Variants in RIN3 observed in about 807,000 individuals in gnomAD.
The protein encoded by RIN3 is Ras and Rab interactor 3, also known as RAB5 interacting protein 3.
A neutral mutation model predicts 76.3 loss-of-function variants in RIN3; 54 were observed. The observed-to-expected ratio is 0.71, with a 90% confidence interval of 0.57 to 0.89. The LOEUF is 0.89. Among genes scored for constraint, RIN3 ranks in the 40% least tolerant of loss-of-function variants. The probability of loss-of-function intolerance (pLI) is 0.00; values close to 1 mark genes in which losing one functional copy is unlikely to be tolerated. For synonymous variants in RIN3, 576 were observed against 564.0 expected (o/e 1.02, Z -0.30); for missense variants, 1,256 against 1,322.1 (o/e 0.95, Z 0.78).
At chr14:92,579,191 G>T (rs1259644984) in intron 3 of RIN3, among the ~76,000 whole-genome samples, 1 of 152,192 alleles carries the variant, frequency 6.6e-6, no homozygotes, top group East Asian at 1.9e-4. Flanking sequence ...GCCTCCCTAA[G>T]TGCTGGGATT....
chr14:92,616,590 T>A (rs945829729), intron 4 of RIN3, among the ~76,000 whole-genome samples: 6 of 150,716 alleles, frequency 4.0e-5, no homozygotes, highest in Non-Finnish European at 1.5e-5. Context: ...AATGATCTTT[T>A]TTTTTCTGTA....
chr14:92,519,706 G>A (rs183232841), intron 1 of RIN3, among the ~76,000 whole-genome samples: 76 of 152,346 alleles, frequency 5.0e-4, no homozygotes, highest in Middle Eastern at 3.4e-3. Flanking sequence ...TAGCCAACGC[G>A]TCCCTGTGCA....
intron 7 of RIN3, among the ~76,000 whole-genome samples, chr14:92,667,456 G>A (rs1888146272): frequency 2.0e-5 from 3 of 151,898 alleles, no homozygotes; most frequent in African/African-American, 7.3e-5. Context: ...GGCGGAGGTT[G>A]CAGTGAGCCA....
chr14:92,663,019 C>T (rs537814480), intron 7 of RIN3, among the ~76,000 whole-genome samples: 3 of 152,058 alleles, frequency 2.0e-5, no homozygotes, highest in African/African-American at 7.2e-5. Flanking sequence ...CCATGTTGCC[C>T]AGGCTGGTCT....
intron 1 of RIN3, among the ~76,000 whole-genome samples, chr14:92,545,178 C>T (rs1317317865): frequency 7.1e-6 from 1 of 140,174 alleles, no homozygotes; most frequent in Non-Finnish European, 1.5e-5. Context: ...GGCACAGTCT[C>T]CACTCACTGC....
intron 1 of RIN3, among the ~76,000 whole-genome samples, chr14:92,546,142 C>T (rs1897259687): frequency 2.0e-5 from 3 of 152,078 alleles, no homozygotes; most frequent in African/African-American, 7.2e-5. Context: ...CCAGGCTGGT[C>T]TTGAACTCGT....
chr14:92,624,037 G>T (rs1331830339), intron 4 of RIN3, among the ~76,000 whole-genome samples: 1 of 152,260 alleles, frequency 6.6e-6, no homozygotes, highest in African/African-American at 2.4e-5. Flanking sequence ...CAAGTGGAAA[G>T]GGGACGACTT....
At chr14:92,627,805 GC>G (rs1044219679) in intron 4 of RIN3, among the ~76,000 whole-genome samples, 2 of 152,192 alleles carry the variant, frequency 1.3e-5, no homozygotes, top group Non-Finnish European at 2.9e-5. Flanking sequence ...CCTGGGCAAG[GC>G]CCCAGATTGT....
At chr14:92,571,802 T>A (rs1021463273) in intron 2 of RIN3, among the ~76,000 whole-genome samples, 2 of 152,188 alleles carry the variant, frequency 1.3e-5, no homozygotes, top group African/African-American at 4.8e-5. Context: ...GTATAAAAGA[T>A]ACAGCACAGG....
chr14:92,526,420 C>G (rs1315442540), intron 1 of RIN3, among the ~76,000 whole-genome samples: 1 of 151,742 alleles, frequency 6.6e-6, no homozygotes, highest in Non-Finnish European at 1.5e-5. Flanking sequence ...GATCACACCA[C>G]TGCACTCCAG....
intron 1 of RIN3, among the ~76,000 whole-genome samples, chr14:92,530,789 G>C (rs1896862248): frequency 6.6e-6 from 1 of 152,078 alleles, no homozygotes; most frequent in African/African-American, 2.4e-5. Context: ...GATCCTGGAA[G>C]GGATGCTGCT....
chr14:92,545,587 T>C (rs1160364777), intron 1 of RIN3, among the ~76,000 whole-genome samples: 2 of 148,150 alleles, frequency 1.3e-5, no homozygotes, highest in East Asian at 3.9e-4. Context: ...TTTTTCTTTT[T>C]TTTTTTTTTT....
intron 1 of RIN3, among the ~76,000 whole-genome samples, chr14:92,524,080 G>A (rs1442868222): frequency 6.6e-6 from 1 of 152,186 alleles, no homozygotes; most frequent in Non-Finnish European, 1.5e-5. Context: ...TGTAGTCACA[G>A]CTACTCGGGA....
At chr14:92,657,388 C>G (rs547088439) in intron 6 of RIN3, among the ~76,000 whole-genome samples, 2 of 151,906 alleles carry the variant, frequency 1.3e-5, no homozygotes, top group Admixed American at 1.3e-4. Flanking sequence ...AAAAAAAGGC[C>G]AACAGAACTC....
rs761294619 is a variant in RIN3, at chr14:92,653,075, G to C, written c.2026G>C (p.Glu676Gln). The change falls in exon 6 of 10, where the codon GAA becomes CAA. Residue 676 changes from glutamate to glutamine, a missense_variant and splice_region_variant. Glu to Gln is a conservative substitution (Grantham distance 29). Transcript: ENST00000216487. The stretch of plus-strand genomic sequence containing the variant: ...CGCCCTGCACTCCGAGGAGGAGCTC[G>C]GTCAGTGCCCTGGGAGGAGGTGGCA... ...DPALHSEEELEAIVESALYKC... is the reference protein window; with the variant it reads ...DPALHSEEELQAIVESALYKC... The C allele has an allele frequency of 2.5e-6, 4 of 1,598,310 alleles. No individual in the cohort carries two copies. The African/African-American group carries it at 5.3e-5, about 21-fold the overall frequency.
intron 7 of RIN3, among the ~76,000 whole-genome samples, chr14:92,676,089 G>A (rs775104134): frequency 3.9e-5 from 6 of 151,964 alleles, no homozygotes; most frequent in Non-Finnish European, 7.4e-5. Context: ...TGTATGATTC[G>A]TGGGGATAGG....
At chr14:92,651,455 C>G (rs888287445) in intron 5 of RIN3, 127 bp from the exon 6 acceptor site, 6 of 569,664 alleles carry the variant, frequency 1.1e-5, no homozygotes, top group Non-Finnish European at 1.8e-5. Flanking sequence ...ACCTCAACCT[C>G]GGAGTAGTGA....
chr14:92,525,897 G>T (rs1896716437), intron 1 of RIN3, among the ~76,000 whole-genome samples: 1 of 152,162 alleles, frequency 6.6e-6, no homozygotes, highest in African/African-American at 2.4e-5. Context: ...AGTGCCGGGG[G>T]TCCCTGGCTG....
intron 1 of RIN3, among the ~76,000 whole-genome samples, chr14:92,553,055 T>C (rs1341934818): frequency 6.8e-6 from 1 of 146,418 alleles, no homozygotes; most frequent in Non-Finnish European, 1.5e-5. Context: ...AAAATGGGGA[T>C]GAGCCCAGGT....
Sources: allele counts gnomAD v4.1 joint callset (sites outside exome capture counted in the v4.1 genomes callset), GRCh38; gene constraint gnomAD v4.1.1; transcripts MANE v1.5; gene names NCBI Gene and HGNC (gene_info 2026-07-23, HGNC 2026-07-21).